PALM: variants seen among roughly 807,000 people sequenced by gnomAD.
The protein encoded by PALM is paralemmin-1.
Under a neutral mutation model 30.7 loss-of-function variants are expected in PALM, and 18 were observed. The ratio of observed to expected loss-of-function variants is 0.59; its 90% CI spans 0.41 to 0.87. The LOEUF (loss-of-function observed/expected upper bound fraction) is 0.87, where lower values mean the gene tolerates loss of function less well. PALM is among the 40% of genes least tolerant of loss of function. PALM has a pLI of 0.00. For synonymous variants in PALM, 286 were observed against 242.8 expected (o/e 1.18, Z -1.66); for missense variants, 529 against 555.4 (o/e 0.95, Z 0.48).
At position 709,005 on chromosome 19, in the gene PALM, C is replaced by T. The variant is rs1487132432; in HGVS notation, c.-142C>T. The T allele has an allele frequency of 6.6e-6, 1 of 150,748 alleles. No individual in the cohort carries two copies. The highest frequency in any genetic ancestry group is 1.5e-5 in the Non-Finnish European group (1 of 68,474). 9.3% of individuals were successfully genotyped at this position (150,748 alleles called of 1,614,324 possible). A position where few individuals can be genotyped will look rare whatever the true frequency, so the allele number is the denominator to read the frequency against. On this transcript the variant is annotated 5_prime_UTR_variant, in exon 1 of 9. Transcript: ENST00000338448. The surrounding 1 kb of genome is among the most constrained non-coding windows in gnomAD (Gnocchi z 4.3). ...GATGCCCGAGCCGGTGCCGCCGCCCCCGCGCCGCGCAGCCCCGGCCGCCAG... is the reference window on the plus strand; with the variant it reads ...GATGCCCGAGCCGGTGCCGCCGCCCTCGCGCCGCGCAGCCCCGGCCGCCAG...
At chr19:711,732 T>C (rs530623949) in intron 1 of PALM, among the ~76,000 whole-genome samples, 40 of 152,210 alleles carry the variant, frequency 2.6e-4, no homozygotes, top group Non-Finnish European at 4.7e-4. Context: ...CGATTTGATT[T>C]ACACTGGAGT....
chr19:718,857 G>A (rs1380947540), intron 1 of PALM, among the ~76,000 whole-genome samples: 1 of 152,060 alleles, frequency 6.6e-6, no homozygotes, highest in Non-Finnish European at 1.5e-5. Flanking sequence ...GGACTCCGGG[G>A]CTTGGAGCAG....
At chr19:737,680 T>C (rs1027888050) in intron 7 of PALM, among the ~76,000 whole-genome samples, 1 of 152,022 alleles carries the variant, frequency 6.6e-6, no homozygotes, top group African/African-American at 2.4e-5. Flanking sequence ...TGGGGAAAGG[T>C]GTTCCAGGCA....
chr19:714,737 C>T (rs999515407), intron 1 of PALM, among the ~76,000 whole-genome samples: 5 of 152,178 alleles, frequency 3.3e-5, no homozygotes, highest in African/African-American at 9.6e-5. Flanking sequence ...GCAGCCTCCA[C>T]GCCCCGGGCT....
chr19:741,734 A>C (rs1041002337), intron 8 of PALM, among the ~76,000 whole-genome samples: 1 of 152,082 alleles, frequency 6.6e-6, no homozygotes, highest in Admixed American at 6.5e-5. Context: ...ATTTGGTTTT[A>C]AGGGCTCCTC....
intron 7 of PALM, among the ~76,000 whole-genome samples, chr19:738,031 G>A (rs2033073406): frequency 6.6e-6 from 1 of 152,174 alleles, no homozygotes; most frequent in African/African-American, 2.4e-5. Context: ...CCGTGGAGGG[G>A]CGAGCAGTGG....
At chr19:718,538 G>A (rs1228645488) in intron 1 of PALM, among the ~76,000 whole-genome samples, 1 of 152,214 alleles carries the variant, frequency 6.6e-6, no homozygotes, top group African/African-American at 2.4e-5. Context: ...GGCCCGGGCA[G>A]GGTCCCTTCC....
chr19:726,465 A>G (rs552113772), intron 2 of PALM, among the ~76,000 whole-genome samples: 6 of 152,210 alleles, frequency 3.9e-5, no homozygotes, highest in Middle Eastern at 3.4e-3. Context: ...CCTGCAGGAA[A>G]ATAAACTTTG....
chr19:725,193 T>C (rs1377949330), intron 1 of PALM, among the ~76,000 whole-genome samples: 1 of 149,608 alleles, frequency 6.7e-6, no homozygotes, highest in Non-Finnish European at 1.5e-5. Flanking sequence ...CCCCCTGATA[T>C]TTGTTAAGCG....
intron 7 of PALM, among the ~76,000 whole-genome samples, chr19:740,075 G>GT (rs1483477081): frequency 6.6e-6 from 1 of 152,254 alleles, no homozygotes; most frequent in Non-Finnish European, 1.5e-5. Context: ...ACAGTGCAGA[G>GT]TACAGGGACG....
rs552943701 is a variant in PALM at position 720,692 on chromosome 19, CCG to C, written c.6-5441_6-5440del. On this transcript the variant is annotated intron_variant, in intron 1 of 8. Transcript: ENST00000338448. Reference sequence around the variant, plus strand: ...GGGGCCTGCGCCCTGGGGCTGCTTCCCGCGCGTTCCCTGCCCGCCCGCCTGAC... The same window carrying C: ...GGGGCCTGCGCCCTGGGGCTGCTTCCCGCGTTCCCTGCCCGCCCGCCTGAC... 4.2e-3 allele frequency among the ~76,000 whole-genome samples: 636 copies of C among 152,050 alleles called. 9 individuals carry two copies. Among genetic ancestry groups the C allele is most frequent in the African/African-American group, 0.014 (599 of 41,438 alleles).
chr19:729,483 T>G (rs1262278850), intron 4 of PALM, among the ~76,000 whole-genome samples: 1 of 123,494 alleles, frequency 8.1e-6, no homozygotes, highest in African/African-American at 2.8e-5. Context: ...TTTTTTTTTT[T>G]GAGAAGGAGT....
At chr19:732,138 G>A (rs905359117) in intron 5 of PALM, among the ~76,000 whole-genome samples, 8 of 152,212 alleles carry the variant, frequency 5.3e-5, no homozygotes, top group African/African-American at 1.4e-4. Flanking sequence ...CACCACGCCC[G>A]GCTAATTTCT....
At chr19:727,301 C>T (rs1018189076) in intron 3 of PALM, among the ~76,000 whole-genome samples, 17 of 148,044 alleles carry the variant, frequency 1.1e-4, no homozygotes, top group Admixed American at 4.7e-4. Context: ...ACCCTGACCC[C>T]GACCCTGACC....
chr19:727,801 T>C (rs2032737469), intron 4 of PALM, 107 bp downstream of exon 4: 4 of 1,062,232 alleles, frequency 3.8e-6, no homozygotes, highest in African/African-American at 1.6e-5. Context: ...TTGAGGGAGA[T>C]GCGTGGACCG....
intron 1 of PALM, among the ~76,000 whole-genome samples, chr19:710,651 G>GCCCCCCCCCCCCCCCCCCCCCCCCCCCC (rs763250940): frequency 1.8e-5 from 2 of 114,168 alleles, no homozygotes; most frequent in African/African-American, 3.5e-5. Context: ...AGGAGCTGCT[G>GCCCCCCCCCCCCCCCCCCCCCCCCCCCC]CCCCCCCCCC....
At position 742,477 on chromosome 19, in the gene PALM, C is replaced by T. The variant is rs1488513359; in HGVS notation, c.634+1994C>T. On this transcript the variant is annotated intron_variant, in intron 8 of 8. Transcript: ENST00000338448. This position sits in a 1 kb window ranked among gnomAD's most constrained non-coding sequence, Gnocchi z 5.5. ...AAAATTAGCTGGACGTGGTGGCGGACGCCTGTAATCCCAGATACTTTGGAG... is the reference window on the plus strand; with the variant it reads ...AAAATTAGCTGGACGTGGTGGCGGATGCCTGTAATCCCAGATACTTTGGAG... Among the ~76,000 whole-genome samples, 8 of 152,096 alleles carry T rather than the reference C, an allele frequency of 5.3e-5. No homozygotes were observed. The highest frequency in any genetic ancestry group is 7.2e-5 in the African/African-American group (3 of 41,466).
chr19:746,790 T>C lies in PALM; in HGVS notation c.1140T>C (p.Arg380=), dbSNP rs1379343831. 2 of 1,565,782 alleles carry C rather than the reference T, an allele frequency of 1.3e-6. No individual in the cohort carries two copies. The highest frequency in any genetic ancestry group is 2.7e-5 in the African/African-American group (2 of 73,334). Residue 380 remains arginine (R), a synonymous_variant, in exon 9 of 9, where the codon CGT becomes CGC. Coordinates refer to ENST00000338448, the MANE Select transcript of PALM (RefSeq NM_002579.3). This position sits in a 1 kb window ranked among gnomAD's most constrained non-coding sequence, Gnocchi z 7.1. ...DPQDLDMKKH[R]CKCCSIM Reference sequence around the variant, plus strand: ...AGGACCTCGACATGAAGAAGCACCGTTGTAAATGCTGCTCCATCATGTGAG... The same window carrying C: ...AGGACCTCGACATGAAGAAGCACCGCTGTAAATGCTGCTCCATCATGTGAG...
chr19:744,917 C>T (rs185161366), intron 8 of PALM, among the ~76,000 whole-genome samples: 30 of 149,296 alleles, frequency 2.0e-4, no homozygotes, highest in Admixed American at 1.1e-3. Flanking sequence ...CGGTGGCTCA[C>T]GTGTGTAATC....
Sources: allele counts gnomAD v4.1 joint callset (sites outside exome capture counted in the v4.1 genomes callset), GRCh38; gene constraint gnomAD v4.1.1; non-coding constraint Gnocchi (gnomAD v3.1); transcripts MANE v1.5; gene names NCBI Gene and HGNC (gene_info 2026-07-23, HGNC 2026-07-21).